Variants in FBLN7 observed in about 807,000 individuals in gnomAD.
FBLN7 encodes the protein fibulin 7.
Under a neutral mutation model 44.0 loss-of-function variants are expected in FBLN7, and 31 were observed. That is an observed-to-expected ratio of 0.70 (90% CI 0.53 to 0.95). The LOEUF is 0.95. Ranked by LOEUF, FBLN7 falls within the 40% of genes least tolerant of loss-of-function variation. The pLI is 0.00. For missense variants in FBLN7, 573 were observed against 618.5 expected, an observed-to-expected ratio of 0.93 and a Z score of 0.78; for synonymous variants, 262 against 253.4, an observed-to-expected ratio of 1.03 and a Z score of -0.32.
chr2:112,230,779 A>G, the FBLN7 span: 1 of 569,774 alleles, frequency 1.8e-6, no homozygotes, highest in Non-Finnish European at 2.7e-6. Flanking sequence ...ATATTTTATA[A>G]TTCTTTTTTA....
At chr2:112,210,456 GACCAGCTTGGCCAAGATGGTGA>G in the FBLN7 span, among the ~76,000 whole-genome samples, 13 of 151,968 alleles carry the variant, frequency 8.6e-5, no homozygotes. Context: ...AGGAGTTCGA[GACCAGCTTGGCCAAGATGGTGA>G]AACCCTGTCT....
chr2:112,190,885 GTAT>G (rs1683465375), downstream of FBLN7, among the ~76,000 whole-genome samples: 7 of 152,248 alleles, frequency 4.6e-5, no homozygotes, highest in South Asian at 1.5e-3. Flanking sequence ...TAGGAAATAT[GTAT>G]TATTAGTATT....
chr2:112,154,437 C>T (rs1260482598), intron 1 of FBLN7, among the ~76,000 whole-genome samples: 1 of 152,158 alleles, frequency 6.6e-6, no homozygotes, highest in African/African-American at 2.4e-5. Flanking sequence ...CTCTGGAACA[C>T]GCTCTGTCCT....
chr2:112,147,959 G>A (rs1680969347), intron 1 of FBLN7, among the ~76,000 whole-genome samples: 1 of 152,174 alleles, frequency 6.6e-6, no homozygotes, highest in African/African-American at 2.4e-5. Context: ...AGAGGAGGAA[G>A]TGAGAGGAGG....
At chr2:112,219,967 C>T in the FBLN7 span, among the ~76,000 whole-genome samples, 2 of 152,166 alleles carry the variant, frequency 1.3e-5, no homozygotes, top group Non-Finnish European at 2.9e-5. Context: ...TTAGAATAGA[C>T]AACTCCTGTC....
rs150010752 is a variant in FBLN7, at chr2:112,142,897, G to T, written c.75+4167G>T. 1.1e-4 allele frequency among the ~76,000 whole-genome samples: 17 copies of T among 152,168 alleles called. 1 individual carries two copies. In the East Asian group the frequency reaches 1.4e-3, roughly 12 times the overall value. ...AGTGATTGTATGTGTGATGGTAAGT[G>T]TATGTGTGTGTGCATATCTGTGCTG... On this transcript the variant is annotated intron_variant, in intron 1 of 7. Transcript: ENST00000331203.
chr2:112,174,134 T>C (rs1268616342), intron 3 of FBLN7, among the ~76,000 whole-genome samples: 3 of 152,216 alleles, frequency 2.0e-5, no homozygotes, highest in Non-Finnish European at 2.9e-5. Context: ...CACGGCCTAG[T>C]GATCTGCCCA....
the FBLN7 span, among the ~76,000 whole-genome samples, chr2:112,234,558 T>C: frequency 6.6e-6 from 1 of 152,214 alleles, no homozygotes; most frequent in Admixed American, 6.5e-5. Context: ...CCCAGCACTT[T>C]GGGAGGCTGA....
chr2:112,223,759 A>T, the FBLN7 span, among the ~76,000 whole-genome samples: 1 of 152,234 alleles, frequency 6.6e-6, no homozygotes, highest in Admixed American at 6.5e-5. Flanking sequence ...AGAATTAAAG[A>T]AAGCAAAGTT....
intron 3 of FBLN7, among the ~76,000 whole-genome samples, chr2:112,171,718 A>T (rs961403791): frequency 6.6e-6 from 1 of 152,170 alleles, no homozygotes; most frequent in Non-Finnish European, 1.5e-5. Context: ...TAACGTGAGC[A>T]ATTTTTCATT....
the FBLN7 span, among the ~76,000 whole-genome samples, chr2:112,220,052 G>A: frequency 5.9e-5 from 9 of 152,326 alleles, no homozygotes; most frequent in South Asian, 1.7e-3. Flanking sequence ...CATTGCATGT[G>A]AGATGATCCT....
intron 6 of FBLN7, 135 bp from the exon 7 acceptor site, chr2:112,185,066 G>T: frequency 8.1e-7 from 1 of 1,233,632 alleles, no homozygotes; most frequent in Non-Finnish European, 1.1e-6. Flanking sequence ...AGGAAGGCAG[G>T]CTTTCTGCTT....
At chr2:112,234,128 ATTTCC>A in the FBLN7 span, 9 of 1,569,646 alleles carry the variant, frequency 5.7e-6, no homozygotes, top group Admixed American at 3.7e-5. Flanking sequence ...ACCTTAATAC[ATTTCC>A]TTTCAAGAAA....
At chr2:112,200,070 C>T in the FBLN7 span, among the ~76,000 whole-genome samples, 7 of 152,300 alleles carry the variant, frequency 4.6e-5, no homozygotes, top group Non-Finnish European at 5.9e-5. Flanking sequence ...CCATATGCAA[C>T]CTCTTTTGCT....
At chr2:112,173,297 T>C (rs1350516593) in intron 3 of FBLN7, among the ~76,000 whole-genome samples, 1 of 151,952 alleles carries the variant, frequency 6.6e-6, no homozygotes, top group Admixed American at 6.6e-5. Context: ...AAAAAAAGAG[T>C]AAAATTTCTA....
At chr2:112,144,863 C>A (rs1234978691) in intron 1 of FBLN7, among the ~76,000 whole-genome samples, 2 of 152,180 alleles carry the variant, frequency 1.3e-5, no homozygotes, top group East Asian at 1.9e-4. Flanking sequence ...CAACAACCAC[C>A]GTGGTGTCAT....
chr2:112,164,723 A>G (rs921552223), intron 2 of FBLN7, among the ~76,000 whole-genome samples: 2 of 152,250 alleles, frequency 1.3e-5, no homozygotes, highest in Non-Finnish European at 2.9e-5. Context: ...GGATCATTGC[A>G]GGGTGGGCCT....
chr2:112,204,906 T>C, the FBLN7 span, among the ~76,000 whole-genome samples: 1 of 152,070 alleles, frequency 6.6e-6, no homozygotes, highest in Non-Finnish European at 1.5e-5. Context: ...TAAAAGACAA[T>C]ATAAATATAT....
intron 1 of FBLN7, among the ~76,000 whole-genome samples, chr2:112,140,509 G>T (rs905197625): frequency 3.9e-5 from 6 of 152,176 alleles, no homozygotes; most frequent in African/African-American, 1.4e-4. Flanking sequence ...CACCTCAGAT[G>T]CATCGCTGGC....
Sources: gnomAD v4.1 joint callset for allele counts (sites outside exome capture counted in the v4.1 genomes callset) on GRCh38, gnomAD v4.1.1 for gene constraint, MANE v1.5 for transcripts, NCBI Gene and HGNC (gene_info 2026-07-23, HGNC 2026-07-21) for gene names.